The following PRICKLE2 variants were observed in gnomAD, a reference collection of about 807,000 sequenced individuals.
PRICKLE2 encodes prickle-like protein 2.
In PRICKLE2, 21 loss-of-function variants were observed where a neutral mutation model predicts 81.4. That is an observed-to-expected ratio of 0.26 (90% CI 0.18 to 0.37). PRICKLE2 has a LOEUF of 0.37. Ranked by LOEUF, PRICKLE2 falls within the 10% of genes least tolerant of loss-of-function variation. The pLI, the probability that PRICKLE2 is intolerant of heterozygous loss-of-function variation, is 1.00. For synonymous variants in PRICKLE2, 456 were observed against 421.5 expected (o/e 1.08, Z -1.00); for missense variants, 940 against 1,109.0 (o/e 0.85, Z 2.16).
At chr3:64,106,846 G>A (rs2076763825) in intron 7 of PRICKLE2, among the ~76,000 whole-genome samples, 1 of 152,216 alleles carries the variant, frequency 6.6e-6, no homozygotes, top group Non-Finnish European at 1.5e-5. Context: ...AACTCTGGCT[G>A]CAGCACATAG....
chr3:64,170,703 T>TAA lies in PRICKLE2; in HGVS notation c.145-7576_145-7575dup, dbSNP rs770744864. Reference sequence around the variant, plus strand: ...AGGTAGACCATGCCTCTAGAAACATTAAAAAAAAAAAAAAAAAAAAAACAG... The same window carrying TAA: ...AGGTAGACCATGCCTCTAGAAACATTAAAAAAAAAAAAAAAAAAAAAAAACAG... On this transcript the variant is annotated intron_variant, in intron 2 of 7. Transcript: ENST00000638394. 4.8e-3 allele frequency among the ~76,000 whole-genome samples: 543 copies of TAA among 113,346 alleles called. 4 individuals carry two copies. Among genetic ancestry groups the TAA allele is most frequent in the South Asian group, 0.037 (120 of 3,240 alleles). 74.4% of individuals were successfully genotyped at this position (113,346 alleles called of 152,430 possible).
intron 2 of PRICKLE2, among the ~76,000 whole-genome samples, chr3:64,265,658 A>G (rs561900077): frequency 6.6e-6 from 1 of 152,098 alleles, no homozygotes; most frequent in African/African-American, 2.4e-5. Context: ...TATATTGTTG[A>G]TGTACTTCAG....
In PRICKLE2 at chr3:64,259,194, A is replaced by G. The variant is rs187153760; in HGVS notation, c.129-60227T>C. On this transcript the variant is annotated intron_variant, in intron 2 of 8. Transcript: ENST00000295902. Reference sequence around the variant, plus strand: ...GCCTTAATCACTTCATTTGACAATAAGACTCAAAGAGAAGGAACATGATAA... The same window carrying G: ...GCCTTAATCACTTCATTTGACAATAGGACTCAAAGAGAAGGAACATGATAA... 3.8e-4 allele frequency among the ~76,000 whole-genome samples: 58 copies of G among 152,368 alleles called. 1 individual carries two copies. The highest frequency in any genetic ancestry group is 3.4e-3 in the Middle Eastern group (1 of 294).
intron 2 of PRICKLE2, among the ~76,000 whole-genome samples, chr3:64,175,476 C>T (rs752834325): frequency 8.5e-5 from 13 of 152,142 alleles, no homozygotes; most frequent in Non-Finnish European, 1.8e-4. Flanking sequence ...TATTTGTCTA[C>T]ACCAAAGTAG....
At chr3:64,204,746 G>A (rs1478694148) in intron 1 of PRICKLE2, among the ~76,000 whole-genome samples, 2 of 152,202 alleles carry the variant, frequency 1.3e-5, no homozygotes, top group East Asian at 3.9e-4. Flanking sequence ...TGGCACTCCC[G>A]TGGCAAGACA....
At chr3:64,131,694 A>G (rs1162628498) in intron 7 of PRICKLE2, among the ~76,000 whole-genome samples, 3 of 152,248 alleles carry the variant, frequency 2.0e-5, no homozygotes, top group East Asian at 1.9e-4. Context: ...ATAGCAATAG[A>G]AAGAACAGTA....
intron 2 of PRICKLE2, among the ~76,000 whole-genome samples, chr3:64,266,476 T>G (rs960536127): frequency 6.6e-6 from 1 of 152,150 alleles, no homozygotes; most frequent in Non-Finnish European, 1.5e-5. Context: ...ACAGGATCAT[T>G]TTTATATGCC....
chr3:64,124,826 A>G (rs758037813), intron 7 of PRICKLE2, among the ~76,000 whole-genome samples: 1 of 152,222 alleles, frequency 6.6e-6, no homozygotes, highest in African/African-American at 2.4e-5. Flanking sequence ...GAGATGTACA[A>G]GAATATGAAT....
intron 1 of PRICKLE2, among the ~76,000 whole-genome samples, chr3:64,222,815 G>A (rs751101867): frequency 6.6e-6 from 1 of 152,200 alleles, no homozygotes; most frequent in East Asian, 1.9e-4. Context: ...ACATGCATAG[G>A]TGAAGCAGAA....
chr3:64,196,625 T>C (rs1427647633), intron 2 of PRICKLE2, among the ~76,000 whole-genome samples: 1 of 152,206 alleles, frequency 6.6e-6, no homozygotes, highest in Non-Finnish European at 1.5e-5. Flanking sequence ...TTCCTGTTAA[T>C]AACCCAACAG....
At chr3:64,110,157 A>G (rs2076820124) in intron 7 of PRICKLE2, among the ~76,000 whole-genome samples, 1 of 152,234 alleles carries the variant, frequency 6.6e-6, no homozygotes, top group Non-Finnish European at 1.5e-5. Flanking sequence ...AGGATACACA[A>G]CAAATTCAGA....
intron 2 of PRICKLE2, among the ~76,000 whole-genome samples, chr3:64,188,588 G>T (rs975972549): frequency 1.3e-5 from 2 of 152,138 alleles, no homozygotes; most frequent in Admixed American, 6.5e-5. Flanking sequence ...CCAAATCTGG[G>T]TAATCAAGCC....
intron 2 of PRICKLE2, among the ~76,000 whole-genome samples, chr3:64,180,075 G>A (rs1226271515): frequency 6.6e-6 from 1 of 152,220 alleles, no homozygotes; most frequent in African/African-American, 2.4e-5. Flanking sequence ...GAACTCCAAA[G>A]AAGGTAGAAA....
chr3:64,206,477 CTCAGCTGGGT>C (rs1200135388), intron 1 of PRICKLE2, among the ~76,000 whole-genome samples: 1 of 152,234 alleles, frequency 6.6e-6, no homozygotes, highest in African/African-American at 2.4e-5. Flanking sequence ...CCTCCTGCCA[CTCAGCTGGGT>C]ACCCAGTGGG....
intron 2 of PRICKLE2, among the ~76,000 whole-genome samples, chr3:64,178,082 T>A (rs1205473646): frequency 6.6e-6 from 1 of 152,222 alleles, no homozygotes; most frequent in African/African-American, 2.4e-5. Flanking sequence ...GTTTTTAAAA[T>A]TATAACCATC....
Position 64,257,290 on chromosome 3 carries a change from C to T in PRICKLE2, c.129-58323G>A, listed in dbSNP as rs59775507. 9.6e-3 allele frequency among the ~76,000 whole-genome samples: 1,459 copies of T among 152,282 alleles called. 26 individuals carry two copies. The highest frequency in any genetic ancestry group is 0.033 in the African/African-American group (1,368 of 41,550). ...ATCACTCTGCCAGTTTGTGCCAACT[C>T]CTCCCTCCACCCTTCTGTTCCCAAC... On this transcript the variant is annotated intron_variant, in intron 2 of 8. Transcript: ENST00000295902.
chr3:64,264,978 T>C (rs555677552), intron 2 of PRICKLE2, among the ~76,000 whole-genome samples: 2 of 152,298 alleles, frequency 1.3e-5, no homozygotes, highest in Admixed American at 1.3e-4. Context: ...AGATCATTCA[T>C]GAGTTTTCCC....
At chr3:64,239,469 G>A (rs1423071660) in intron 2 of PRICKLE2, among the ~76,000 whole-genome samples, 9 of 152,198 alleles carry the variant, frequency 5.9e-5, no homozygotes, top group Admixed American at 3.9e-4. Context: ...GATGCTTCCC[G>A]GAGGGATCCT....
rs909334019 is a variant in PRICKLE2 at position 64,095,896 on chromosome 3, C to G, written c.*3155G>C. 1.3e-5 allele frequency: 2 copies of G among 152,232 alleles called. No individual in the cohort carries two copies. The highest frequency in any genetic ancestry group is 4.8e-5 in the African/African-American group (2 of 41,448). 9.4% of individuals were successfully genotyped at this position (152,232 alleles called of 1,614,324 possible). A position where few individuals can be genotyped will look rare whatever the true frequency, so the allele number is the denominator to read the frequency against. On this transcript the variant is annotated 3_prime_UTR_variant, in exon 8 of 8. Transcript: ENST00000638394. ...CTCCCTTACCTCATTCACCTTCACA[C>G]TTGGTAGAGATCCCACAACTATATG...
Sources: gnomAD v4.1 joint callset for allele counts (sites outside exome capture counted in the v4.1 genomes callset) on GRCh38, gnomAD v4.1.1 for gene constraint, MANE v1.5 for transcripts, NCBI Gene and HGNC (gene_info 2026-07-23, HGNC 2026-07-21) for gene names.